The following RPN2 variants were observed in gnomAD, a reference collection of about 807,000 sequenced individuals.
RPN2 encodes dolichyl-diphosphooligosaccharide--protein glycosyltransferase subunit 2.
RPN2 carries 29 observed loss-of-function variants against 71.4 expected under a neutral mutation model. The ratio of observed to expected loss-of-function variants is 0.41; its 90% CI spans 0.30 to 0.55. The LOEUF (loss-of-function observed/expected upper bound fraction) is 0.55. Among genes scored for constraint, RPN2 ranks in the 20% least tolerant of loss-of-function variants. The probability of loss-of-function intolerance (pLI) is 0.35; values close to 1 mark genes in which losing one functional copy is unlikely to be tolerated. For synonymous variants in RPN2, 308 were observed against 305.0 expected, an observed-to-expected ratio of 1.01 and a Z score of -0.10; for missense variants, 726 against 774.1, an observed-to-expected ratio of 0.94 and a Z score of 0.74.
intron 9 of RPN2, among the ~76,000 whole-genome samples, chr20:37,220,719 A>G (rs2067933519): frequency 6.6e-6 from 1 of 152,226 alleles, no homozygotes; most frequent in Non-Finnish European, 1.5e-5. Flanking sequence ...CAGGGATCCT[A>G]CACTGAACTC....
intron 4 of RPN2, chr20:37,200,503 T>C (rs754809016): frequency 5.6e-6 from 3 of 532,768 alleles, no homozygotes; most frequent in Non-Finnish European, 1.2e-5. Flanking sequence ...AGGTTGGTGA[T>C]ACCAAATCCC....
intron 1 of RPN2, among the ~76,000 whole-genome samples, chr20:37,182,394 G>A (rs1189972828): frequency 6.6e-6 from 1 of 151,916 alleles, no homozygotes; most frequent in Non-Finnish European, 1.5e-5. Flanking sequence ...GTGCCCAGCT[G>A]TCTTTTATTT....
intron 8 of RPN2, among the ~76,000 whole-genome samples, chr20:37,213,338 G>C (rs1271868160): frequency 6.6e-6 from 1 of 152,162 alleles, no homozygotes; most frequent in Non-Finnish European, 1.5e-5. Flanking sequence ...GATTAAGCAC[G>C]AGGGTCAGGC....
At position 37,228,659 on chromosome 20, in the gene RPN2, T is replaced by C; in HGVS notation, c.1409T>C (p.Ile470Thr). 1.2e-6 allele frequency: 2 copies of C among 1,614,144 alleles called. No homozygotes were observed. The highest frequency in any genetic ancestry group is 1.7e-6 in the Non-Finnish European group (2 of 1,180,002). ...KFELDTSERK[I>T]EFDSASGTYT... is the part of the protein sequence containing the mutation. ...GAACTGGATACCTCTGAAAGAAAGA[T>C]TGAATTTGACTCTGCCTCTGGCACC... is the stretch of plus-strand genomic sequence containing the variant. The change falls in exon 12 of 17, where the codon ATT (isoleucine) becomes ACT (threonine). Residue 470 changes from isoleucine (I) to threonine (T), a missense_variant. Physicochemically the swap from Ile to Thr is moderately conservative, Grantham distance 89. Transcript: ENST00000237530.
chr20:37,226,731 A>G (rs913139077), intron 11 of RPN2, among the ~76,000 whole-genome samples: 1 of 152,176 alleles, frequency 6.6e-6, no homozygotes, highest in African/African-American at 2.4e-5. Context: ...AAAGATTTTC[A>G]AACCATATAC....
At chr20:37,189,323 A>ATGTGTGTGTGTG (rs11474653) in intron 2 of RPN2, among the ~76,000 whole-genome samples, 1 of 64,600 alleles carries the variant, frequency 1.5e-5, no homozygotes, top group East Asian at 3.3e-4. Context: ...GTGTGTGTGT[A>ATGTGTGTGTGTG]TGTGTGTGTG....
At position 37,190,541 on chromosome 20, in the gene RPN2, C is replaced by T. The variant is rs147980176; in HGVS notation, c.207+6168C>T. ...GATAATGTGTGCAGGGTAGTTAGCA[C>T]GTTGATGGCATGTGGTAATACGTAG... is the stretch of plus-strand genomic sequence containing the variant. On this transcript the variant is annotated intron_variant, in intron 2 of 16. Coordinates refer to ENST00000237530, the MANE Select transcript of RPN2 (RefSeq NM_002951.5). Among the ~76,000 whole-genome samples, 8 of 152,180 alleles carry T rather than the reference C, an allele frequency of 5.3e-5. No homozygotes were observed. The East Asian group carries it at 9.7e-4, about 18-fold the overall frequency.
chr20:37,236,365 G>A (rs999476172), intron 15 of RPN2, among the ~76,000 whole-genome samples: 2 of 152,190 alleles, frequency 1.3e-5, no homozygotes, highest in South Asian at 4.1e-4. Context: ...GGGATTACAG[G>A]TGTGAGCCAC....
chr20:37,192,720 G>A (rs1388056665), intron 2 of RPN2, among the ~76,000 whole-genome samples: 1 of 152,224 alleles, frequency 6.6e-6, no homozygotes, highest in Non-Finnish European at 1.5e-5. Flanking sequence ...TGCAACAATG[G>A]TAAGTTTTAT....
chr20:37,231,714 T>TAAAAAA (rs146042631), intron 13 of RPN2, among the ~76,000 whole-genome samples: 275 of 145,582 alleles, frequency 1.9e-3, no homozygotes, highest in Middle Eastern at 0.01. Context: ...CCTGTCTCTT[T>TAAAAAA]AAAAAAAAGA....
intron 4 of RPN2, among the ~76,000 whole-genome samples, chr20:37,201,367 C>G (rs2067386936): frequency 6.7e-6 from 1 of 150,008 alleles, no homozygotes; most frequent in Non-Finnish European, 1.5e-5. Flanking sequence ...TCACTACAAC[C>G]TCAAACTCTT....
At chr20:37,198,980 G>A (rs2067317324) in intron 3 of RPN2, 70 bp from the exon 4 acceptor site, 4 of 1,282,786 alleles carry the variant, frequency 3.1e-6, no homozygotes, top group South Asian at 2.4e-5. Flanking sequence ...TCCGCATTCT[G>A]TCTTTGCCAT....
intron 9 of RPN2, 131 bp downstream of exon 9, chr20:37,213,996 G>A (rs1168107117): frequency 1.3e-6 from 1 of 744,020 alleles, no homozygotes; most frequent in African/African-American, 1.7e-5. Flanking sequence ...GTGGAGGGAG[G>A]GCTGCATTCA....
At chr20:37,193,366 A>C (rs1429501181) in intron 2 of RPN2, among the ~76,000 whole-genome samples, 2 of 152,158 alleles carry the variant, frequency 1.3e-5, no homozygotes, top group South Asian at 4.1e-4. Context: ...CTTCAGGCAG[A>C]GGAAACAGCC....
chr20:37,192,749 G>A lies in RPN2; in HGVS notation c.208-5648G>A, dbSNP rs541928815. ...GTTTTATGAAGGGGAGATATGTGCT[G>A]TTATAAATAGGGGATTTTATAGGGG... On this transcript the variant is annotated intron_variant, in intron 2 of 16. Coordinates refer to ENST00000237530, the MANE Select transcript of RPN2 (RefSeq NM_002951.5). Among the ~76,000 whole-genome samples, 12 of 152,298 alleles carry A rather than the reference G, an allele frequency of 7.9e-5. No individual in the cohort carries two copies. In the South Asian group the frequency reaches 1.0e-3, roughly 13 times the overall value.
intron 7 of RPN2, among the ~76,000 whole-genome samples, chr20:37,209,469 A>ATT (rs60329533): frequency 3.3e-4 from 48 of 146,316 alleles, no homozygotes; most frequent in East Asian, 1.2e-3. Flanking sequence ...TAGCTGAGAC[A>ATT]TTTTTTTTTT....
At chr20:37,221,842 G>A (rs147675617) in intron 9 of RPN2, among the ~76,000 whole-genome samples, 1 of 152,272 alleles carries the variant, frequency 6.6e-6, no homozygotes, top group East Asian at 1.9e-4. Flanking sequence ...CCCCATTTGG[G>A]GCCACCCATG....
rs557440383 is a variant in RPN2, at chr20:37,199,935, G to A, written c.479+710G>A. The stretch of plus-strand genomic sequence containing the variant: ...GCAGCCTTGAACTCTGGGCTCAAGT[G>A]ATTTTCCTACCTCAGCCTCCCGAGT... On this transcript the variant is annotated intron_variant, in intron 4 of 16. Transcript: ENST00000237530. 2.3e-4 allele frequency among the ~76,000 whole-genome samples: 35 copies of A among 151,936 alleles called. No homozygotes were observed. The South Asian group carries it at 7.3e-3, about 32-fold the overall frequency.
chr20:37,224,954 G>A (rs1427223531), intron 10 of RPN2, among the ~76,000 whole-genome samples: 1 of 152,190 alleles, frequency 6.6e-6, no homozygotes, highest in Non-Finnish European at 1.5e-5. Context: ...CGAGCGCTTT[G>A]CTGTTTAATT....
Sources: allele counts gnomAD v4.1 joint callset (sites outside exome capture counted in the v4.1 genomes callset), GRCh38; gene constraint gnomAD v4.1.1; transcripts MANE v1.5; gene names NCBI Gene and HGNC (gene_info 2026-07-23, HGNC 2026-07-21).